The following SDK1 variants were observed in gnomAD, a reference collection of about 807,000 sequenced individuals.
SDK1 encodes the protein protein sidekick-1.
SDK1 carries 157 observed loss-of-function variants against 245.5 expected under a neutral mutation model. The ratio of observed to expected loss-of-function variants is 0.64; its 90% CI spans 0.56 to 0.73. SDK1 has a LOEUF of 0.73. Ranked by LOEUF, SDK1 falls within the 30% of genes least tolerant of loss-of-function variation. SDK1 has a pLI of 0.00. For synonymous variants in SDK1, 1,647 were observed against 1,278.5 expected, an observed-to-expected ratio of 1.29 and a Z score of -6.15; for missense variants, 3,583 against 3,002.3, an observed-to-expected ratio of 1.19 and a Z score of -4.52.
At chr7:3,659,813 G>T (rs1419142216) in intron 4 of SDK1, among the ~76,000 whole-genome samples, 1 of 152,222 alleles carries the variant, frequency 6.6e-6, no homozygotes, top group Non-Finnish European at 1.5e-5. Flanking sequence ...TGAAGACAGG[G>T]TGGATGACGT....
intron 1 of SDK1, among the ~76,000 whole-genome samples, chr7:3,345,894 C>A (rs776072858): frequency 1.3e-5 from 2 of 152,182 alleles, no homozygotes; most frequent in Non-Finnish European, 2.9e-5. Flanking sequence ...CATTGGTAGT[C>A]AGGCGTTCAG....
intron 34 of SDK1, among the ~76,000 whole-genome samples, chr7:4,177,813 G>A (rs575528199): frequency 1.3e-5 from 2 of 152,282 alleles, no homozygotes; most frequent in Non-Finnish European, 2.9e-5. Flanking sequence ...TCACCATCAC[G>A]TAGAATCAGT....
intron 4 of SDK1, among the ~76,000 whole-genome samples, chr7:3,710,492 A>T (rs1785017253): frequency 6.6e-6 from 1 of 152,224 alleles, no homozygotes; most frequent in Admixed American, 6.5e-5. Flanking sequence ...TCTACTTTTG[A>T]TATAGAAACA....
intron 22 of SDK1, among the ~76,000 whole-genome samples, chr7:4,103,468 A>G (rs1407441891): frequency 6.6e-6 from 1 of 152,200 alleles, no homozygotes; most frequent in African/African-American, 2.4e-5. Context: ...GTCTCTCACG[A>G]AAAAAGAGTC....
chr7:4,208,657 G>A (rs2128227840), intron 37 of SDK1, among the ~76,000 whole-genome samples: 1 of 152,330 alleles, frequency 6.6e-6, no homozygotes, highest in East Asian at 1.9e-4. Context: ...GGCGCCTGAT[G>A]GCATGTCCAG....
rs115583548 is a variant in SDK1, at chr7:3,590,708, A to C, written c.299-28372A>C. ...TTACTTCACAAGGGAAACCTTAAAA[A>C]TACTGATAACAGAGCCTCACTGCTG... is the stretch of plus-strand genomic sequence containing the variant. On this transcript the variant is annotated intron_variant, in intron 1 of 44. Coordinates refer to ENST00000404826, the MANE Select transcript of SDK1 (RefSeq NM_152744.4). 4.0e-3 allele frequency among the ~76,000 whole-genome samples: 610 copies of C among 152,184 alleles called. 6 individuals carry two copies. The highest frequency in any genetic ancestry group is 0.014 in the African/African-American group (571 of 41,520).
intron 1 of SDK1, among the ~76,000 whole-genome samples, chr7:3,410,150 T>TG (rs1257146548): frequency 1.3e-5 from 2 of 152,332 alleles, no homozygotes; most frequent in Non-Finnish European, 2.9e-5. Context: ...AGTATCCCTT[T>TG]GGAAAGAGGT....
At chr7:3,643,126 C>G (rs992661099) in intron 4 of SDK1, 1 of 151,610 alleles carries the variant, frequency 6.6e-6, no homozygotes, top group African/African-American at 2.4e-5. Flanking sequence ...GGAATCCTTT[C>G]GCTAAATCTC....
chr7:4,259,882 G>A (rs996091038), intron 44 of SDK1, among the ~76,000 whole-genome samples: 12 of 152,182 alleles, frequency 7.9e-5, no homozygotes, highest in African/African-American at 2.7e-4. Context: ...GGGAGCTCAG[G>A]TGCAGGCTCC....
intron 1 of SDK1, among the ~76,000 whole-genome samples, chr7:3,615,215 A>G (rs1029132610): frequency 1.3e-5 from 2 of 151,762 alleles, no homozygotes; most frequent in African/African-American, 2.4e-5. Flanking sequence ...ACAGAGTGCA[A>G]ATGGCCAGAC....
At position 3,743,835 on chromosome 7, in the gene SDK1, C is replaced by G. The variant is rs1779542338; in HGVS notation, c.714-77615C>G. Among the ~76,000 whole-genome samples, 2 of 152,090 alleles carry G rather than the reference C, an allele frequency of 1.3e-5. 1 individual carries two copies. The highest frequency in any genetic ancestry group is 4.2e-4 in the South Asian group (2 of 4,816). The stretch of plus-strand genomic sequence containing the variant: ...ATTGTATGAAAGGGCGATGCCTGGA[C>G]CTTACTGGCCACAAGTTAGCAGCTA... On this transcript the variant is annotated intron_variant, in intron 4 of 44. Transcript: ENST00000404826.
At chr7:4,191,324 C>G (rs2128222659) in intron 35 of SDK1, among the ~76,000 whole-genome samples, 1 of 152,356 alleles carries the variant, frequency 6.6e-6, no homozygotes, top group African/African-American at 2.4e-5. Flanking sequence ...ACACGCACAG[C>G]CCGGCAGATG....
chr7:3,560,624 AC>A, intron 1 of SDK1, among the ~76,000 whole-genome samples: 1 of 152,178 alleles, frequency 6.6e-6, no homozygotes, highest in East Asian at 1.9e-4. Flanking sequence ...CAGTCTCCAC[AC>A]AGCGTTGGCA....
rs74799254 is a variant in SDK1 at position 3,683,582 on chromosome 7, G to A, written c.713+41477G>A. ...TTTACTGAGCTCACGTTCCATCCAG[G>A]TGGAGCAGCCCCGTTCCTCCCAGGT... On this transcript the variant is annotated intron_variant, in intron 4 of 44. Transcript: ENST00000404826. Among the ~76,000 whole-genome samples the A allele has an allele frequency of 5.7e-3, 867 of 152,322 alleles. 7 individuals are homozygous for A. Among genetic ancestry groups the A allele is most frequent in the African/African-American group, 0.02 (840 of 41,558 alleles).
At chr7:3,389,626 G>A (rs546837997) in intron 1 of SDK1, among the ~76,000 whole-genome samples, 13 of 152,304 alleles carry the variant, frequency 8.5e-5, no homozygotes, top group Admixed American at 4.6e-4. Flanking sequence ...CAGGATAGGT[G>A]TGGTGGCTCA....
rs1583402267 is a variant in SDK1, at chr7:3,776,252, T to C, written c.714-45198T>C. ...AACTTGTAAGCAGACATTGTCAATT[T>C]GGTGTGCAAAGGACAATCATAGATG... On this transcript the variant is annotated intron_variant, in intron 4 of 44. Coordinates refer to ENST00000404826, the MANE Select transcript of SDK1 (RefSeq NM_152744.4). 2.0e-5 allele frequency among the ~76,000 whole-genome samples: 3 copies of C among 152,216 alleles called. No homozygotes were observed. The East Asian group carries it at 5.8e-4, about 29-fold the overall frequency.
chr7:3,375,770 A>T (rs905053225), intron 1 of SDK1, among the ~76,000 whole-genome samples: 4 of 152,294 alleles, frequency 2.6e-5, no homozygotes, highest in African/African-American at 9.6e-5. Context: ...AAGCCTTCAG[A>T]TGACGGCAGC....
intron 22 of SDK1, among the ~76,000 whole-genome samples, chr7:4,087,849 G>A (rs58722088): frequency 0.042 from 6,350 of 152,226 alleles, 363 homozygotes; most frequent in African/African-American, 0.13. Context: ...AATGGGGTCA[G>A]TAGTACCATC....
chr7:3,431,589 A>T (rs960713922), intron 1 of SDK1, among the ~76,000 whole-genome samples: 1 of 152,132 alleles, frequency 6.6e-6, no homozygotes, highest in African/African-American at 2.4e-5. Context: ...ACAGTCCATG[A>T]AGTGGTGAGT....
Sources: allele counts gnomAD v4.1 joint callset (sites outside exome capture counted in the v4.1 genomes callset), GRCh38; gene constraint gnomAD v4.1.1; transcripts MANE v1.5; gene names NCBI Gene and HGNC (gene_info 2026-07-23, HGNC 2026-07-21).